SNTG2: variants seen among roughly 807,000 people sequenced by gnomAD.
SNTG2 encodes syntrophin gamma 2.
A neutral mutation model predicts 70.9 loss-of-function variants in SNTG2; 74 were observed. The ratio of observed to expected loss-of-function variants is 1.04; its 90% CI spans 0.86 to 1.27. The LOEUF is 1.27. SNTG2 is among the 50% of genes most tolerant of loss of function. The pLI, the probability that SNTG2 is intolerant of heterozygous loss-of-function variation, is 0.00. For missense variants in SNTG2, 717 were observed against 690.7 expected (o/e 1.04, Z -0.43); for synonymous variants, 278 against 273.8 (o/e 1.02, Z -0.15).
In SNTG2 at chr2:1,318,778, C is replaced by A. The variant is rs1189402397; in HGVS notation, c.1488+2403C>A. On this transcript the variant is annotated intron_variant, in intron 16 of 16. Coordinates refer to ENST00000308624, the MANE Select transcript of SNTG2 (RefSeq NM_018968.4). The stretch of plus-strand genomic sequence containing the variant: ...AGCTGTTTGCCTTGGGCGCCATCAC[C>A]GGGGAGGAGCACCGTAACCTTTTGC... Among the ~76,000 whole-genome samples the A allele has an allele frequency of 2.0e-5, 3 of 150,862 alleles. No individual in the cohort carries two copies. The South Asian group carries it at 6.4e-4, about 32-fold the overall frequency.
chr2:1,141,671 A>G (rs2147776902), intron 6 of SNTG2, among the ~76,000 whole-genome samples: 1 of 152,294 alleles, frequency 6.6e-6, no homozygotes, highest in East Asian at 1.9e-4. Context: ...CGTTTTCCAA[A>G]GGAAAAGCCA....
intron 6 of SNTG2, chr2:1,160,660 G>A (rs1186433647): frequency 1.3e-5 from 2 of 152,268 alleles, no homozygotes; most frequent in Admixed American, 1.3e-4. Flanking sequence ...AGGAGACAGA[G>A]ACGGGGCCTC....
chr2:1,301,192 G>C (rs1160091174), intron 14 of SNTG2, among the ~76,000 whole-genome samples: 2 of 152,140 alleles, frequency 1.3e-5, no homozygotes, highest in Non-Finnish European at 2.9e-5. Flanking sequence ...GGAGCTCTCA[G>C]TGGATGGTGG....
intron 6 of SNTG2, among the ~76,000 whole-genome samples, chr2:1,152,545 C>T (rs1261011781): frequency 6.8e-6 from 1 of 146,588 alleles, no homozygotes; most frequent in Non-Finnish European, 1.5e-5. Context: ...CATGTGTGCA[C>T]ACACGTATGT....
intron 1 of SNTG2, among the ~76,000 whole-genome samples, chr2:1,002,107 T>A (rs2147988590): frequency 6.6e-6 from 1 of 152,184 alleles, no homozygotes; most frequent in Non-Finnish European, 1.5e-5. Flanking sequence ...TATACGAAAG[T>A]TAACTCAAAA....
At chr2:1,241,070 G>C (rs1478222965) in intron 11 of SNTG2, among the ~76,000 whole-genome samples, 2 of 152,162 alleles carry the variant, frequency 1.3e-5, no homozygotes, top group Non-Finnish European at 2.9e-5. Context: ...TGATCTCTAT[G>C]AATAATTTAC....
intron 16 of SNTG2, among the ~76,000 whole-genome samples, chr2:1,330,976 G>A (rs1659496358): frequency 6.6e-6 from 1 of 152,184 alleles, no homozygotes; most frequent in Non-Finnish European, 1.5e-5. Flanking sequence ...CTTGTCCTCT[G>A]GGTGTTAGCA....
At chr2:1,289,142 C>T (rs1039898840) in intron 14 of SNTG2, among the ~76,000 whole-genome samples, 5 of 152,120 alleles carry the variant, frequency 3.3e-5, no homozygotes, top group Admixed American at 1.3e-4. Flanking sequence ...TTACTTCCTG[C>T]CACTAGCATT....
intron 4 of SNTG2, among the ~76,000 whole-genome samples, chr2:1,117,399 C>T (rs527258125): frequency 3.9e-5 from 6 of 152,278 alleles, no homozygotes; most frequent in Admixed American, 3.9e-4. Context: ...ACAACTTTTA[C>T]TATTATCTTT....
intron 2 of SNTG2, among the ~76,000 whole-genome samples, chr2:1,085,578 A>G (rs1207571251): frequency 1.3e-5 from 2 of 152,268 alleles, no homozygotes; most frequent in Non-Finnish European, 2.9e-5. Context: ...TCCGTTAATG[A>G]TAGATGACCA....
At chr2:1,309,924 G>A (rs189422710) in intron 15 of SNTG2, among the ~76,000 whole-genome samples, 1 of 152,326 alleles carries the variant, frequency 6.6e-6, no homozygotes, top group East Asian at 1.9e-4. Flanking sequence ...GCTGGTTCCA[G>A]TCTAGGTGAC....
chr2:1,267,726 C>T (rs909930592), intron 14 of SNTG2, among the ~76,000 whole-genome samples, 155 bp downstream of exon 14: 4 of 148,684 alleles, frequency 2.7e-5, no homozygotes, highest in Non-Finnish European at 5.9e-5. Context: ...ATCGTTCGCA[C>T]GGAGTCATGC....
chr2:979,015 G>C (rs1162594717), intron 1 of SNTG2, among the ~76,000 whole-genome samples: 1 of 152,212 alleles, frequency 6.6e-6, no homozygotes, highest in Non-Finnish European at 1.5e-5. Context: ...GTAAACCAAG[G>C]CCCTGCTCTT....
intron 1 of SNTG2, among the ~76,000 whole-genome samples, chr2:991,407 A>ACACACACACACAC (rs1553305482): frequency 3.3e-5 from 5 of 151,224 alleles, no homozygotes; most frequent in Non-Finnish European, 4.4e-5. Flanking sequence ...ACACACACAC[A>ACACACACACACAC]ATTATGACTT....
intron 14 of SNTG2, among the ~76,000 whole-genome samples, chr2:1,291,250 A>G (rs957069781): frequency 4.6e-5 from 7 of 152,156 alleles, no homozygotes; most frequent in Admixed American, 2.6e-4. Context: ...TGTATTCTAG[A>G]CATCAACCCC....
chr2:1,308,347 C>G (rs1475109697), intron 14 of SNTG2, 147 bp from the exon 15 acceptor site: 5 of 694,034 alleles, frequency 7.2e-6, no homozygotes, highest in Non-Finnish European at 1.2e-5. Context: ...TCCCGGGACC[C>G]TGCATCCTCC....
At chr2:1,190,779 G>T (rs1356095316) in intron 8 of SNTG2, among the ~76,000 whole-genome samples, 1 of 151,898 alleles carries the variant, frequency 6.6e-6, no homozygotes, top group Non-Finnish European at 1.5e-5. Flanking sequence ...AATATCTTTA[G>T]AAGTCAATTT....
intron 14 of SNTG2, among the ~76,000 whole-genome samples, chr2:1,308,248 T>C (rs571283705): frequency 6.6e-6 from 1 of 152,284 alleles, no homozygotes; most frequent in Non-Finnish European, 1.5e-5. Flanking sequence ...GAGCAATGCC[T>C]GTAAACACTC....
At chr2:1,318,555 C>T (rs1474993294) in intron 16 of SNTG2, among the ~76,000 whole-genome samples, 2 of 152,220 alleles carry the variant, frequency 1.3e-5, no homozygotes, top group East Asian at 1.9e-4. Flanking sequence ...TCGTGCTGAC[C>T]GCAGTGCCTG....
Sources: allele counts gnomAD v4.1 joint callset (sites outside exome capture counted in the v4.1 genomes callset), GRCh38; gene constraint gnomAD v4.1.1; transcripts MANE v1.5; gene names NCBI Gene and HGNC (gene_info 2026-07-23, HGNC 2026-07-21).